Variants in TPO observed in about 807,000 individuals in gnomAD.
TPO encodes thyroid microsomal antigen.
TPO carries 78 observed loss-of-function variants against 96.9 expected under a neutral mutation model. The observed-to-expected ratio is 0.81, with a 90% CI of 0.67 to 0.97. The LOEUF is 0.97. Ranked by LOEUF, TPO falls within the 50% of genes least tolerant of loss-of-function variation. TPO has a pLI of 0.00. For synonymous variants in TPO, 547 were observed against 538.0 expected (o/e 1.02, Z -0.23); for missense variants, 1,252 against 1,274.8 (o/e 0.98, Z 0.27).
upstream of TPO, among the ~76,000 whole-genome samples, chr2:1,413,120 A>G (rs1488517523): frequency 6.6e-6 from 1 of 152,200 alleles, no homozygotes; most frequent in African/African-American, 2.4e-5. Context: ...CAATCCTCGG[A>G]AGATTAACAG....
At chr2:1,538,093 C>A (rs1239293421) in intron 15 of TPO, among the ~76,000 whole-genome samples, 22 of 110,678 alleles carry the variant, frequency 2.0e-4, no homozygotes, top group African/African-American at 8.0e-4. Context: ...CAAATCCTCC[C>A]CACTGTGTGC....
In TPO at chr2:1,460,940, T is replaced by C. The variant is rs182324284; in HGVS notation, c.819+4658T>C. ...CCACCTTTGGGGATCTCCTGGAGTTTCGCTGGTTTGGGCAAGAGCTGGTGA... is the reference window on the plus strand; with the variant it reads ...CCACCTTTGGGGATCTCCTGGAGTTCCGCTGGTTTGGGCAAGAGCTGGTGA... On this transcript the variant is annotated intron_variant, in intron 7 of 16. Transcript: ENST00000329066. Among the ~76,000 whole-genome samples, 117 of 152,322 alleles carry C rather than the reference T, an allele frequency of 7.7e-4. No individual in the cohort carries two copies. In the East Asian group the frequency reaches 0.016, roughly 20 times the overall value.
intron 7 of TPO, among the ~76,000 whole-genome samples, chr2:1,463,201 G>C (rs189043871): frequency 2.1e-3 from 313 of 152,258 alleles, no homozygotes; most frequent in Non-Finnish European, 3.6e-3. Context: ...TGAACCTCCT[G>C]GCTTGCAGTT....
intron 1 of TPO, among the ~76,000 whole-genome samples, chr2:1,375,299 T>G (rs2148334527): frequency 6.6e-6 from 1 of 152,184 alleles, no homozygotes; most frequent in East Asian, 1.9e-4. Flanking sequence ...AAGGGAGGAT[T>G]TATTTTGGTT....
chr2:1,521,764 A>G (rs1274856289), intron 15 of TPO, among the ~76,000 whole-genome samples: 1 of 152,000 alleles, frequency 6.6e-6, no homozygotes, highest in Non-Finnish European at 1.5e-5. Flanking sequence ...CTCAGGCCCC[A>G]GAGGACCTGG....
Position 1,424,042 on chromosome 2 carries a change from C to A in TPO, c.179+913C>A, listed in dbSNP as rs535822436. Reference sequence around the variant, plus strand: ...AAGACAGATCTCAGTCAATTTAGAACGTTTATTTTAACAAGGATAAGGATG... The same window carrying A: ...AAGACAGATCTCAGTCAATTTAGAAAGTTTATTTTAACAAGGATAAGGATG... On this transcript the variant is annotated intron_variant, in intron 3 of 16. Coordinates refer to ENST00000329066, the MANE Select transcript of TPO (RefSeq NM_001206744.2). 2.8e-4 allele frequency among the ~76,000 whole-genome samples: 42 copies of A among 152,198 alleles called. No individual in the cohort carries two copies. In the East Asian group the frequency reaches 7.2e-3, roughly 26 times the overall value.
At position 1,484,735 on chromosome 2, in the gene TPO, G is replaced by A; in HGVS notation, c.1478G>A (p.Gly493Asp). 2 of 1,614,014 alleles carry A rather than the reference G, an allele frequency of 1.2e-6. No individual in the cohort carries two copies. The highest frequency in any genetic ancestry group is 1.3e-5 in the African/African-American group (1 of 75,014). ...TTCTCCACAGCCGCCTTCCGCTTCG[G>A]CCATGCCACGATCCACCCGCTGGTG... The part of the protein sequence containing the change: ...NVFSTAAFRF[G>D]HATIHPLVRR... The change falls in exon 9 of 17, where the codon GGC (glycine) becomes GAC (aspartate). Residue 493 changes from glycine to aspartate, a missense_variant. Transcript: ENST00000329066.
chr2:1,517,145 C>T (rs974710998), intron 15 of TPO, among the ~76,000 whole-genome samples, 163 bp downstream of exon 15: 1 of 152,140 alleles, frequency 6.6e-6, no homozygotes, highest in Non-Finnish European at 1.5e-5. Flanking sequence ...ATAGACTCTC[C>T]GGATCTTTCA....
chr2:1,540,280 T>TGGG (rs1419261440), intron 15 of TPO, among the ~76,000 whole-genome samples: 1 of 152,132 alleles, frequency 6.6e-6, no homozygotes, highest in East Asian at 1.9e-4. Context: ...TGGCAGTGAC[T>TGGG]GGGGGGAAAT....
chr2:1,433,183 T>A (rs956197072), intron 3 of TPO, among the ~76,000 whole-genome samples: 1 of 152,182 alleles, frequency 6.6e-6, no homozygotes, highest in African/African-American at 2.4e-5. Context: ...TTGGCAGTTT[T>A]GTAAAGGGCA....
chr2:1,526,785 AAT>A (rs1676624460), intron 15 of TPO, among the ~76,000 whole-genome samples: 3 of 11,394 alleles, frequency 2.6e-4, no homozygotes, highest in African/African-American at 3.7e-4. Flanking sequence ...AATCCCCCCC[AAT>A]CTATGCAACC....
chr2:1,537,726 TCCC>T (rs764467793), intron 15 of TPO, among the ~76,000 whole-genome samples: 10 of 73,718 alleles, frequency 1.4e-4, no homozygotes, highest in Non-Finnish European at 2.6e-4. Flanking sequence ...CCTCCCCAAA[TCCC>T]CCAACTGTCT....
At chr2:1,383,897 A>G (rs530968812) in intron 1 of TPO, among the ~76,000 whole-genome samples, 2 of 152,272 alleles carry the variant, frequency 1.3e-5, no homozygotes, top group African/African-American at 4.8e-5. Context: ...CTTTTGTATA[A>G]TGTGTAAGGA....
intron 13 of TPO, among the ~76,000 whole-genome samples, chr2:1,499,423 T>C (rs1204576634): frequency 6.6e-6 from 1 of 152,172 alleles, no homozygotes; most frequent in Non-Finnish European, 1.5e-5. Context: ...GAAGTTAAGA[T>C]CCATTGTAAG....
chr2:1,376,776 T>A (rs1661728302), intron 1 of TPO, among the ~76,000 whole-genome samples: 1 of 152,186 alleles, frequency 6.6e-6, no homozygotes, highest in African/African-American at 2.4e-5. Flanking sequence ...AAAGTAATAT[T>A]CTTTAACAAA....
intron 7 of TPO, among the ~76,000 whole-genome samples, chr2:1,458,239 A>C (rs549386723): frequency 6.6e-6 from 1 of 151,522 alleles, no homozygotes; most frequent in African/African-American, 2.4e-5. Flanking sequence ...GCACATGTGT[A>C]TATAGGATAT....
intron 1 of TPO, among the ~76,000 whole-genome samples, chr2:1,399,211 G>A (rs899231016): frequency 1.9e-4 from 29 of 152,174 alleles, no homozygotes; most frequent in African/African-American, 6.0e-4. Flanking sequence ...CAGCCCCCCC[G>A]AGGGAGGCAG....
At chr2:1,439,221 C>T (rs1180164203) in intron 5 of TPO, 4 of 210,862 alleles carry the variant, frequency 1.9e-5, no homozygotes, top group Non-Finnish European at 2.9e-5. Context: ...CTCTGCTGAC[C>T]ACACAATGAC....
intron 7 of TPO, among the ~76,000 whole-genome samples, chr2:1,457,291 T>A (rs1169604488): frequency 1.0e-5 from 1 of 96,966 alleles, no homozygotes; most frequent in African/African-American, 4.1e-5. Context: ...TGTGGGCAGA[T>A]GTGTACATAG....
Sources: gnomAD v4.1 joint callset for allele counts (sites outside exome capture counted in the v4.1 genomes callset) on GRCh38, gnomAD v4.1.1 for gene constraint, MANE v1.5 for transcripts, NCBI Gene and HGNC (gene_info 2026-07-23, HGNC 2026-07-21) for gene names.